The following ACSM2B variants were observed in gnomAD, a reference collection of about 807,000 sequenced individuals.
ACSM2B encodes acyl-CoA synthetase medium chain family member 2B.
Under a neutral mutation model 78.6 loss-of-function variants are expected in ACSM2B, and 58 were observed. The observed-to-expected ratio is 0.74, with a 90% CI of 0.60 to 0.92. ACSM2B has a LOEUF of 0.92. Ranked by LOEUF, ACSM2B falls within the 40% of genes least tolerant of loss-of-function variation. ACSM2B has a pLI of 0.00. For synonymous variants in ACSM2B, 257 were observed against 256.8 expected, an observed-to-expected ratio of 1.00 and a Z score of -0.01; for missense variants, 688 against 711.2, an observed-to-expected ratio of 0.97 and a Z score of 0.37.
At position 20,558,743 on chromosome 16, in the gene ACSM2B, G is replaced by A. The variant is rs186828977; in HGVS notation, c.388+494C>T. ...AAATAGTAAATATTTTAGGTTTTGT[G>A]GATAAGACACTCTCTCGTTCCAACT... On this transcript the variant is annotated intron_variant, in intron 3 of 13. Coordinates refer to ENST00000329697, the MANE Select transcript of ACSM2B (RefSeq NM_001105069.2). 2.8e-4 allele frequency among the ~76,000 whole-genome samples: 43 copies of A among 152,270 alleles called. No homozygotes were observed. In the East Asian group the frequency reaches 7.4e-3, roughly 26 times the overall value.
At chr16:20,558,338 A>G (rs1179058389) in intron 3 of ACSM2B, among the ~76,000 whole-genome samples, 2 of 144,148 alleles carry the variant, frequency 1.4e-5, no homozygotes, top group Non-Finnish European at 3.1e-5. Context: ...AGCATTTCCT[A>G]TTCCCTAGCC....
At chr16:20,548,656 A>G (rs979853017) in intron 6 of ACSM2B, among the ~76,000 whole-genome samples, 183 bp from the exon 7 acceptor site, 2 of 152,248 alleles carry the variant, frequency 1.3e-5, no homozygotes, top group Non-Finnish European at 2.9e-5. Context: ...GAAGGCACAA[A>G]TAACAGGGAA....
At chr16:20,547,726 T>A in intron 8 of ACSM2B, 1 of 1,078,972 alleles carries the variant, frequency 9.3e-7, no homozygotes, top group Non-Finnish European at 1.1e-6. Context: ...ACAGAGGAAC[T>A]TTCTGACTAC....
intron 1 of ACSM2B, 32 bp from the exon 2 acceptor site, chr16:20,564,885 C>G: frequency 6.3e-7 from 1 of 1,575,274 alleles, no homozygotes; most frequent in Non-Finnish European, 8.6e-7. Flanking sequence ...CAGGTAAGAG[C>G]TTCTTTAACA....
At chr16:20,568,101 G>T (rs1411691978) in intron 1 of ACSM2B, among the ~76,000 whole-genome samples, 1 of 141,590 alleles carries the variant, frequency 7.1e-6, no homozygotes, top group Non-Finnish European at 1.5e-5. Flanking sequence ...CACAGAAGAT[G>T]ATATATATAT....
chr16:20,565,248 G>A (rs530454208), intron 1 of ACSM2B, among the ~76,000 whole-genome samples: 2 of 152,282 alleles, frequency 1.3e-5, no homozygotes, highest in Admixed American at 6.5e-5. Flanking sequence ...GCATTTAGGA[G>A]GAAGAATATG....
rs1567218599 is a variant in ACSM2B, at chr16:20,566,734, GTATATAC to G, written c.-8-1888_-8-1882del. 6.0e-3 allele frequency among the ~76,000 whole-genome samples: 38 copies of G among 6,302 alleles called. 2 individuals are homozygous for G. The highest frequency in any genetic ancestry group is 0.022 in the African/African-American group (33 of 1,504). The allele number at this position is 6,302 out of a possible 152,430, so 4.1% of individuals were successfully genotyped here. A position where few individuals can be genotyped will look rare whatever the true frequency, so the allele number is the denominator to read the frequency against. The stretch of plus-strand genomic sequence containing the variant: ...GTATATATAGTATATACTATATATA[GTATATAC>G]TATATATACTATATATAGTATATAT... On this transcript the variant is annotated intron_variant, in intron 1 of 13. Transcript: ENST00000329697.
At chr16:20,567,637 T>C (rs904824307) in intron 1 of ACSM2B, among the ~76,000 whole-genome samples, 32 of 136,948 alleles carry the variant, frequency 2.3e-4, no homozygotes, top group Non-Finnish European at 4.5e-4. Context: ...TATCTATATC[T>C]ATATATACTA....
rs181764882 is a variant in ACSM2B at position 20,557,011 on chromosome 16, A to T, written c.389-1535T>A. Among the ~76,000 whole-genome samples, 18 of 152,176 alleles carry T rather than the reference A, an allele frequency of 1.2e-4. No individual in the cohort carries two copies. The East Asian group carries it at 3.5e-3, about 30-fold the overall frequency. ...TCATGCTCAGCCCATTGTCCCCAGA[A>T]TATGCGGCGGGTGGGAGCTTTTAGT... On this transcript the variant is annotated intron_variant, in intron 3 of 13. Coordinates refer to ENST00000329697, the MANE Select transcript of ACSM2B (RefSeq NM_001105069.2).
intron 6 of ACSM2B, among the ~76,000 whole-genome samples, chr16:20,549,197 T>A (rs1359752885): frequency 6.6e-6 from 1 of 152,176 alleles, no homozygotes; most frequent in Non-Finnish European, 1.5e-5. Flanking sequence ...ACCATCTCCA[T>A]CCCATGCTTT....
In ACSM2B at chr16:20,552,255, T is replaced by G; in HGVS notation, c.783A>C (p.Ser261=). The G allele has an allele frequency of 6.2e-7, 1 of 1,613,868 alleles. No individual in the cohort carries two copies. Among genetic ancestry groups the G allele is most frequent in the Non-Finnish European group, 8.5e-7 (1 of 1,179,792 alleles). The change falls in exon 6 of 14, where the codon TCA becomes TCC. Residue 261 remains serine (S), a synonymous_variant. Coordinates refer to ENST00000329697, the MANE Select transcript of ACSM2B (RefSeq NM_001105069.2). ...LQASDIMWTI[S]DTGWILNILG... ...AGATGTTCAGTATCCAACCTGTGTC[T>G]GATATGGTCCACATTATATCAGAGG... is the stretch of plus-strand genomic sequence containing the variant.
intron 10 of ACSM2B, chr16:20,544,711 C>A: frequency 1.0e-6 from 1 of 985,690 alleles, no homozygotes; most frequent in Non-Finnish European, 1.2e-6. Flanking sequence ...TCTGTCTTTA[C>A]CTTCCCAAGA....
At chr16:20,556,949 T>C (rs2015493022) in intron 3 of ACSM2B, among the ~76,000 whole-genome samples, 1 of 152,140 alleles carries the variant, frequency 6.6e-6, no homozygotes, top group Non-Finnish European at 1.5e-5. Context: ...TAGTTTCTAA[T>C]TCCTGGCTGC....
intron 3 of ACSM2B, among the ~76,000 whole-genome samples, chr16:20,558,901 C>G (rs1435351252): frequency 6.6e-6 from 1 of 152,166 alleles, no homozygotes; most frequent in Admixed American, 6.5e-5. Flanking sequence ...CACAGTCTAC[C>G]AAATTTATTT....
intron 12 of ACSM2B, chr16:20,542,150 G>T (rs536453227): frequency 6.6e-6 from 1 of 150,912 alleles, no homozygotes; most frequent in Non-Finnish European, 1.5e-5. Context: ...ACAATACATG[G>T]TTGTTAACTA....
At chr16:20,569,259 T>C (rs1459663649) in intron 1 of ACSM2B, among the ~76,000 whole-genome samples, 1 of 151,992 alleles carries the variant, frequency 6.6e-6, no homozygotes, top group Non-Finnish European at 1.5e-5. Context: ...TATATGAAGA[T>C]CCAGTTTCAT....
At chr16:20,558,945 T>C (rs1207352048) in intron 3 of ACSM2B, among the ~76,000 whole-genome samples, 3 of 152,230 alleles carry the variant, frequency 2.0e-5, no homozygotes, top group Admixed American at 1.3e-4. Context: ...ATACCACTTA[T>C]CATAATTCTG....
At chr16:20,558,033 G>A (rs1257871722) in intron 3 of ACSM2B, among the ~76,000 whole-genome samples, 10 of 152,128 alleles carry the variant, frequency 6.6e-5, no homozygotes, top group African/African-American at 1.4e-4. Context: ...AACTGCCTTT[G>A]GAAAAATAAC....
chr16:20,556,015 T>A (rs923993854), intron 3 of ACSM2B, among the ~76,000 whole-genome samples: 1 of 152,062 alleles, frequency 6.6e-6, no homozygotes, highest in Non-Finnish European at 1.5e-5. Flanking sequence ...CAAAGCGGTA[T>A]TATAATTTTT....
Sources: allele counts gnomAD v4.1 joint callset (sites outside exome capture counted in the v4.1 genomes callset), GRCh38; gene constraint gnomAD v4.1.1; transcripts MANE v1.5; gene names NCBI Gene and HGNC (gene_info 2026-07-23, HGNC 2026-07-21).